PHC2: variants seen among roughly 807,000 people sequenced by gnomAD.
The protein encoded by PHC2 is polyhomeotic homolog 2, also known as polyhomeotic-like protein 2.
PHC2 carries 29 observed loss-of-function variants against 87.4 expected under a neutral mutation model. The observed-to-expected ratio is 0.33, with a 90% CI of 0.25 to 0.45. The LOEUF (loss-of-function observed/expected upper bound fraction) is 0.45, where lower values mean the gene tolerates loss of function less well. Among genes scored for constraint, PHC2 ranks in the 20% least tolerant of loss-of-function variants. The probability of loss-of-function intolerance (pLI) is 1.00; values close to 1 mark genes in which losing one functional copy is unlikely to be tolerated. For synonymous variants in PHC2, 438 were observed against 461.7 expected (o/e 0.95, Z 0.66); for missense variants, 857 against 1,136.7 (o/e 0.75, Z 3.54).
chr1:33,378,021 C>T (rs1011984478), intron 1 of PHC2, among the ~76,000 whole-genome samples: 1 of 152,202 alleles, frequency 6.6e-6, no homozygotes, highest in Non-Finnish European at 1.5e-5. Flanking sequence ...TCCTTATGTT[C>T]ATATGTCTGC....
rs565959262 is a variant in PHC2, at chr1:33,369,518, A to G, written c.577-896T>C. On this transcript the variant is annotated intron_variant, in intron 5 of 14. Coordinates refer to ENST00000683057, the MANE Select transcript of PHC2 (RefSeq NM_001385109.1). The surrounding 1 kb of genome is among the most constrained non-coding windows in gnomAD (Gnocchi z 4.7). Reference sequence around the variant, plus strand: ...CCAGTTCCCGAGGAGATGGAAGTCTATTTCATGCCTTGTGTCTAAGAGGCT... The same window carrying G: ...CCAGTTCCCGAGGAGATGGAAGTCTGTTTCATGCCTTGTGTCTAAGAGGCT... Among the ~76,000 whole-genome samples the G allele has an allele frequency of 1.4e-4, 21 of 152,232 alleles. No individual in the cohort carries two copies. The South Asian group carries it at 4.4e-3, about 32-fold the overall frequency.
At chr1:33,386,430 A>C (rs1054776993) in intron 1 of PHC2, among the ~76,000 whole-genome samples, 2 of 151,858 alleles carry the variant, frequency 1.3e-5, no homozygotes, top group African/African-American at 4.8e-5. Flanking sequence ...GAGGCAGGAG[A>C]ATCCCTTGAA....
intron 7 of PHC2, 124 bp from the exon 8 acceptor site, chr1:33,355,377 T>C: frequency 1.2e-6 from 1 of 838,000 alleles, no homozygotes; most frequent in South Asian, 1.9e-5. Flanking sequence ...CTTGTTTTCA[T>C]CTCTTTCATT....
At chr1:33,416,832 AAC>A (rs767611734) in intron 1 of PHC2, among the ~76,000 whole-genome samples, 2 of 152,124 alleles carry the variant, frequency 1.3e-5, no homozygotes, top group African/African-American at 2.4e-5. Flanking sequence ...TGATAAGAGA[AAC>A]ACAAAGGAAT....
intron 1 of PHC2, among the ~76,000 whole-genome samples, chr1:33,413,922 TCTA>T (rs1024739653): frequency 2.0e-5 from 3 of 152,172 alleles, no homozygotes; most frequent in African/African-American, 7.2e-5. Context: ...GTGTTTGTGG[TCTA>T]CTGACAACTG....
At position 33,328,976 on chromosome 1, in the gene PHC2, G is replaced by A. The variant is rs1361197970; in HGVS notation, c.2319C>T (p.Pro773=). The change falls in exon 14 of 15, where the codon CCC becomes CCT. Residue 773 remains proline, a synonymous_variant. Coordinates refer to ENST00000683057, the MANE Select transcript of PHC2 (RefSeq NM_001385109.1). ...CCACCAGGTCCCGCATATGCATGTCGGGGAGCTCCAGGTCCCGCTGGCCTT... is the reference window on the plus strand; with the variant it reads ...CCACCAGGTCCCGCATATGCATGTCAGGGAGCTCCAGGTCCCGCTGGCCTT... ...RRQGQRDLEL[P]DMHMRDLVGM... is the part of the protein sequence containing the mutation. 16 of 1,614,038 alleles carry A rather than the reference G, an allele frequency of 9.9e-6. No homozygotes were observed. The highest frequency in any genetic ancestry group is 1.7e-5 in the Admixed American group (1 of 60,000).
intron 1 of PHC2, among the ~76,000 whole-genome samples, chr1:33,423,512 A>C (rs1266556440): frequency 6.6e-6 from 1 of 152,208 alleles, no homozygotes; most frequent in African/African-American, 2.4e-5. Flanking sequence ...CTAGATGAAC[A>C]TCTACTTTGG....
At chr1:33,378,010 T>C (rs1414282383) in intron 1 of PHC2, among the ~76,000 whole-genome samples, 1 of 152,232 alleles carries the variant, frequency 6.6e-6, no homozygotes, top group Non-Finnish European at 1.5e-5. Context: ...GCAGTGATTT[T>C]TCCTTATGTT....
intron 1 of PHC2, among the ~76,000 whole-genome samples, chr1:33,388,812 T>G (rs1313702013): frequency 6.6e-6 from 1 of 152,126 alleles, no homozygotes; most frequent in Non-Finnish European, 1.5e-5. Flanking sequence ...GGCAGCAGGT[T>G]CTGAGAGGTA....
At chr1:33,345,966 C>G (rs2148250464) in intron 9 of PHC2, 1 of 984,902 alleles carries the variant, frequency 1.0e-6, no homozygotes, top group Non-Finnish European at 1.2e-6. Flanking sequence ...AAATAGGCAA[C>G]TTTTTTTAAA....
chr1:33,356,252 T>TATATATAC (rs1426074420), intron 7 of PHC2, among the ~76,000 whole-genome samples: 1 of 36,682 alleles, frequency 2.7e-5, no homozygotes, highest in African/African-American at 9.0e-5. Flanking sequence ...AAAATTCTTA[T>TATATATAC]ATATATATAT....
At position 33,376,419 on chromosome 1, in the gene PHC2, C is replaced by T. The variant is rs573664571; in HGVS notation, c.-54-826G>A. Among the ~76,000 whole-genome samples the T allele has an allele frequency of 1.2e-3, 180 of 152,338 alleles. 3 individuals carry two copies. In the South Asian group the frequency reaches 0.035, roughly 30 times the overall value. On this transcript the variant is annotated intron_variant, in intron 1 of 14. Coordinates refer to ENST00000683057, the MANE Select transcript of PHC2 (RefSeq NM_001385109.1). ...CACTAGGTGAGATTTGAGATCAGGT[C>T]TGGCTGATTCTAAAGCCTATGACCT...
intron 1 of PHC2, among the ~76,000 whole-genome samples, chr1:33,405,134 A>G (rs987749915): frequency 4.7e-5 from 7 of 150,356 alleles, no homozygotes; most frequent in Non-Finnish European, 8.9e-5. Flanking sequence ...GATTTTGGTT[A>G]TCTGTCTTTC....
chr1:33,427,688 C>T (rs554298709), intron 1 of PHC2, among the ~76,000 whole-genome samples: 66 of 152,302 alleles, frequency 4.3e-4, no homozygotes, highest in South Asian at 1.9e-3. Context: ...AAACTGCTGA[C>T]GAATTTCTGC....
chr1:33,340,942 T>C (rs903022307), intron 9 of PHC2, among the ~76,000 whole-genome samples: 1 of 151,764 alleles, frequency 6.6e-6, no homozygotes, highest in African/African-American at 2.4e-5. Flanking sequence ...GGGTAGTGAT[T>C]GTTTTGGATC....
At chr1:33,387,180 C>G (rs1423507951) in intron 1 of PHC2, among the ~76,000 whole-genome samples, 1 of 152,206 alleles carries the variant, frequency 6.6e-6, no homozygotes, top group East Asian at 1.9e-4. Flanking sequence ...CCTACAGGTA[C>G]CACTTAACTC....
At position 33,349,302 on chromosome 1, in the gene PHC2, G is replaced by C. The variant is rs533529392; in HGVS notation, c.1558+5099C>G. The C allele has an allele frequency of 6.1e-6, 6 of 985,100 alleles. No individual in the cohort carries two copies. Among genetic ancestry groups the C allele is most frequent in the Non-Finnish European group, 7.2e-6 (6 of 829,850 alleles). The allele number at this position is 985,100 out of a possible 1,614,324, so 61.0% of individuals were successfully genotyped here. On this transcript the variant is annotated intron_variant, in intron 9 of 14. Transcript: ENST00000683057. This position sits in a 1 kb window ranked among gnomAD's most constrained non-coding sequence, Gnocchi z 4.2. Reference sequence around the variant, plus strand: ...GGAAGTCGCAGCGGCGGGGAGGCCGGTCCTAGGTTGGGGCTGGGGTGGGGT... The same window carrying C: ...GGAAGTCGCAGCGGCGGGGAGGCCGCTCCTAGGTTGGGGCTGGGGTGGGGT...
At chr1:33,421,267 C>T (rs1056043574) in intron 1 of PHC2, among the ~76,000 whole-genome samples, 2 of 151,702 alleles carry the variant, frequency 1.3e-5, no homozygotes, top group African/African-American at 4.9e-5. Flanking sequence ...CTTGGGGAAA[C>T]AGGAAAAGAG....
intron 1 of PHC2, among the ~76,000 whole-genome samples, chr1:33,428,000 T>A (rs914562497): frequency 6.6e-6 from 1 of 152,216 alleles, no homozygotes; most frequent in Non-Finnish European, 1.5e-5. Flanking sequence ...GCTTCAATTA[T>A]CACCATTTTT....
Sources: gnomAD v4.1 joint callset for allele counts (sites outside exome capture counted in the v4.1 genomes callset) on GRCh38, gnomAD v4.1.1 for gene constraint, Gnocchi (gnomAD v3.1) non-coding constraint, MANE v1.5 for transcripts, NCBI Gene and HGNC (gene_info 2026-07-23, HGNC 2026-07-21) for gene names.